The following HSF1 variants were observed in gnomAD, a reference collection of about 807,000 sequenced individuals.
HSF1 encodes heat shock transcription factor 1.
In HSF1, 32 loss-of-function variants were observed where a neutral mutation model predicts 51.7. The observed-to-expected ratio is 0.62, with a 90% confidence interval of 0.47 to 0.83. The LOEUF (loss-of-function observed/expected upper bound fraction) is 0.83. Among genes scored for constraint, HSF1 ranks in the 40% least tolerant of loss-of-function variants. HSF1 has a pLI of 0.00. For synonymous variants in HSF1, 396 were observed against 309.7 expected, an observed-to-expected ratio of 1.28 and a Z score of -2.92; for missense variants, 727 against 717.0, an observed-to-expected ratio of 1.01 and a Z score of -0.16.
intron 9 of HSF1, chr8:144,313,015 C>G (rs1816793263): frequency 6.0e-6 from 3 of 499,064 alleles, no homozygotes; most frequent in Non-Finnish European, 1.1e-5. Flanking sequence ...CAGGGCACCT[C>G]TGGGACCCAG....
intron 1 of HSF1, among the ~76,000 whole-genome samples, chr8:144,298,817 G>A (rs934381063): frequency 6.6e-6 from 1 of 152,328 alleles, no homozygotes; most frequent in African/African-American, 2.4e-5. Context: ...CTGCGCGTGA[G>A]CCCGCTTGCA....
rs782052884 is a variant in HSF1 at position 144,311,946 on chromosome 8, GC to G, written c.861-11del. On this transcript the variant is annotated splice_polypyrimidine_tract_variant and intron_variant, in intron 8 of 12. Transcript: ENST00000528838. ...GCTGGCCGAGACGCCAGCTCACCTG[GC>G]CCCCCTCGTGTGCAGGCCCCTATCC... 8 of 1,579,944 alleles carry G rather than the reference GC, an allele frequency of 5.1e-6. No homozygotes were observed. The highest frequency in any genetic ancestry group is 6.0e-6 in the Non-Finnish European group (7 of 1,163,490).
intron 1 of HSF1, among the ~76,000 whole-genome samples, chr8:144,305,890 A>G (rs6986110): frequency 0.56 from 84,574 of 151,266 alleles, 24,101 homozygotes; most frequent in Admixed American, 0.66. Flanking sequence ...GAGCCACCAC[A>G]CCTGGCTAAT....
At chr8:144,304,215 A>AGGGAAAGAGGAGGCTGAGG (rs1722583190) in intron 1 of HSF1, among the ~76,000 whole-genome samples, 2 of 152,286 alleles carry the variant, frequency 1.3e-5, no homozygotes, top group East Asian at 3.9e-4. Flanking sequence ...CTGGGGTGAG[A>AGGGAAAGAGGAGGCTGAGG]GGGAAAGAGG....
chr8:144,309,042 G>GCCTCCC, intron 2 of HSF1, 28 bp downstream of exon 2: 2 of 1,527,670 alleles, frequency 1.3e-6, no homozygotes, highest in Non-Finnish European at 1.8e-6. Flanking sequence ...GCAGCGCAGG[G>GCCTCCC]GTGCGGGAGG....
chr8:144,313,416 G>C (rs1588668195), intron 9 of HSF1, 95 bp from the exon 10 acceptor site: 10 of 800,062 alleles, frequency 1.2e-5, no homozygotes, highest in Non-Finnish European at 2.1e-6. Context: ...GGTGCAGCCT[G>C]GGGGGTACAG....
rs1564627727 is a variant in HSF1 at position 144,314,365 on chromosome 8, C to G, written c.*35C>G. The G allele has an allele frequency of 6.6e-7, 1 of 1,521,662 alleles. No individual in the cohort carries two copies. The highest frequency in any genetic ancestry group is 1.2e-5 in the South Asian group (1 of 83,080). The allele number at this position is 1,521,662 out of a possible 1,614,324, so 94.3% of individuals were successfully genotyped here. On this transcript the variant is annotated 3_prime_UTR_variant, in exon 13 of 13. Coordinates refer to ENST00000528838, the MANE Select transcript of HSF1 (RefSeq NM_005526.4). ...AGGAGCTGGGCCAGCCGCCCACCCC[C>G]ACCCCCAGTGCAGGGCTGGTCTTGG... is the stretch of plus-strand genomic sequence containing the variant.
Position 144,314,239 on chromosome 8 carries a change from T to A in HSF1, c.1499T>A (p.Phe500Tyr), listed in dbSNP as rs1554846151. 6.5e-7 allele frequency: 1 copy of A among 1,550,162 alleles called. No homozygotes were observed. Among genetic ancestry groups the A allele is most frequent in the African/African-American group, 1.4e-5 (1 of 73,000 alleles). The change falls in exon 13 of 13, where the codon TTC becomes TAC. Residue 500 changes from phenylalanine (F) to tyrosine (Y), a missense_variant. This residue lies in a region of HSF1 where 470 missense variants were observed against 398.8 expected (regional missense o/e 1.18). Transcript: ENST00000528838. ...TTTGAGCTGGGAGAGGGCTCCTACT[T>A]CTCCGAAGGGGACGGCTTCGCCGAG... ...VLFELGEGSY[F>Y]SEGDGFAEDP...
intron 7 of HSF1, 23 bp from the exon 8 acceptor site, chr8:144,311,677 G>C (rs782089740): frequency 1.4e-5 from 22 of 1,609,944 alleles, no homozygotes; most frequent in Non-Finnish European, 1.8e-5. Context: ...GGCACTGCAT[G>C]GACCTCCTGC....
In HSF1 at chr8:144,309,652, C is replaced by T. The variant is rs539042317; in HGVS notation, c.363+61C>T. ...CTGCCACAGCTCTCCCCGCCCGCCC[C>T]TCCCTGAGGGCTCCCACCCCAGCCT... is the stretch of plus-strand genomic sequence containing the variant. On this transcript the variant is annotated intron_variant, in intron 3 of 12. Coordinates refer to ENST00000528838, the MANE Select transcript of HSF1 (RefSeq NM_005526.4). 9.7e-5 allele frequency: 156 copies of T among 1,601,762 alleles called. No individual in the cohort carries two copies. In the African/African-American group the frequency reaches 1.9e-3, roughly 19 times the overall value.
In HSF1 at chr8:144,297,008, G is replaced by C. The variant is rs1045580727; in HGVS notation, c.117+5134G>C. On this transcript the variant is annotated intron_variant, in intron 1 of 12. Coordinates refer to ENST00000528838, the MANE Select transcript of HSF1 (RefSeq NM_005526.4). The surrounding 1 kb of genome is among the most constrained non-coding windows in gnomAD (Gnocchi z 4.6). ...CTCCTGGGGGGAGGCAGATGCCTCC[G>C]GTGCCCCATGCCCACCCAACTCCAC... Among the ~76,000 whole-genome samples the C allele has an allele frequency of 2.0e-5, 3 of 152,086 alleles. No individual in the cohort carries two copies. The East Asian group carries it at 5.8e-4, about 29-fold the overall frequency.
In HSF1 at chr8:144,313,501, C is replaced by A; in HGVS notation, c.1143-10C>A. ...GGCACTGGTTCAGGTACCGCCTTATCCCGGGCCAGGAATGAGCTCAGTGAC... is the reference window on the plus strand; with the variant it reads ...GGCACTGGTTCAGGTACCGCCTTATACCGGGCCAGGAATGAGCTCAGTGAC... On this transcript the variant is annotated splice_polypyrimidine_tract_variant and intron_variant, in intron 9 of 12. Coordinates refer to ENST00000528838, the MANE Select transcript of HSF1 (RefSeq NM_005526.4). The A allele has an allele frequency of 1.3e-6, 2 of 1,591,474 alleles. No homozygotes were observed. Among genetic ancestry groups the A allele is most frequent in the East Asian group, 2.2e-5 (1 of 44,736 alleles).
chr8:144,309,424 G>T (rs782563446), intron 2 of HSF1, 31 bp from the exon 3 acceptor site: 2 of 1,612,810 alleles, frequency 1.2e-6, no homozygotes, highest in Non-Finnish European at 8.5e-7. Context: ...CCGCCCTGAG[G>T]CAGAGCTGCC....
rs782664678 is a variant in HSF1, at chr8:144,311,855, C to T, written c.860+19C>T. 1 of 1,593,446 alleles carries T rather than the reference C, an allele frequency of 6.3e-7. No homozygotes were observed. The highest frequency in any genetic ancestry group is 2.2e-5 in the East Asian group (1 of 44,778). On this transcript the variant is annotated intron_variant, in intron 8 of 12. Transcript: ENST00000528838. ...ACGAGAGGTGGGGGCCGCATCACCC[C>T]AGCCATCCTGTCCCCCAATGAGGCG...
intron 4 of HSF1, 120 bp from the exon 5 acceptor site, chr8:144,311,054 G>C (rs578155362): frequency 1.1e-6 from 1 of 937,120 alleles, no homozygotes; most frequent in Non-Finnish European, 1.6e-6. Context: ...GGGTGGGCCA[G>C]GCCAGACATG....
intron 3 of HSF1, 23 bp from the exon 4 acceptor site, chr8:144,309,749 T>C: frequency 6.2e-7 from 1 of 1,603,768 alleles, no homozygotes; most frequent in Non-Finnish European, 8.5e-7. Flanking sequence ...CTCCAGTGAC[T>C]CCTGTCCCTC....
chr8:144,311,125 C>G, intron 4 of HSF1, 49 bp from the exon 5 acceptor site: 1 of 1,531,484 alleles, frequency 6.5e-7, no homozygotes. Flanking sequence ...TCCCTCAGCC[C>G]TGGGGCTCAT....
At chr8:144,300,411 G>C (rs942200165) in intron 1 of HSF1, among the ~76,000 whole-genome samples, 3 of 151,798 alleles carry the variant, frequency 2.0e-5, no homozygotes, top group African/African-American at 7.3e-5. Flanking sequence ...TAGAGATGGG[G>C]TTTCACCGTG....
At chr8:144,292,970 AAAAG>A (rs1815201056) in intron 1 of HSF1, among the ~76,000 whole-genome samples, 2 of 114,202 alleles carry the variant, frequency 1.8e-5, no homozygotes, top group South Asian at 3.1e-4. Context: ...AAAAAGAAAA[AAAAG>A]AAAGGCCACT....
Sources: gnomAD v4.1 joint callset for allele counts (sites outside exome capture counted in the v4.1 genomes callset) on GRCh38, gnomAD v4.1.1 for gene constraint, gnomAD v4.1.1 regional missense constraint, Gnocchi (gnomAD v3.1) non-coding constraint, MANE v1.5 for transcripts, NCBI Gene and HGNC (gene_info 2026-07-23, HGNC 2026-07-21) for gene names.